The following LRRTM4 variants were observed in gnomAD, a reference collection of about 807,000 sequenced individuals.
The protein encoded by LRRTM4 is leucine rich repeat transmembrane neuronal 4.
In LRRTM4, 25 loss-of-function variants were observed where a neutral mutation model predicts 47.6. That is an observed-to-expected ratio of 0.53 (90% CI 0.38 to 0.73). The LOEUF is 0.73. Among genes scored for constraint, LRRTM4 ranks in the 30% least tolerant of loss-of-function variants. The pLI is 0.00. For missense variants in LRRTM4, 638 were observed against 713.4 expected, an observed-to-expected ratio of 0.89 and a Z score of 1.20; for synonymous variants, 311 against 269.5, an observed-to-expected ratio of 1.15 and a Z score of -1.51.
chr2:76,986,861 T>A (rs1028817234), intron 3 of LRRTM4, among the ~76,000 whole-genome samples: 13 of 151,912 alleles, frequency 8.6e-5, no homozygotes, highest in African/African-American at 3.1e-4. Flanking sequence ...TTCTATTGTA[T>A]GCAACTAAAA....
At chr2:77,250,021 C>T (rs1675559805) in intron 3 of LRRTM4, among the ~76,000 whole-genome samples, 1 of 151,994 alleles carries the variant, frequency 6.6e-6, no homozygotes, top group South Asian at 2.1e-4. Flanking sequence ...CATCAAAAGA[C>T]ATGAAGGAAA....
chr2:77,410,488 C>T (rs1214890371), intron 3 of LRRTM4, among the ~76,000 whole-genome samples: 2 of 152,126 alleles, frequency 1.3e-5, no homozygotes, highest in Admixed American at 1.3e-4. Flanking sequence ...GAAGCACCAG[C>T]TAACACCTGA....
intron 3 of LRRTM4, among the ~76,000 whole-genome samples, chr2:76,923,114 A>C (rs1045115677): frequency 1.3e-5 from 2 of 152,134 alleles, no homozygotes; most frequent in African/African-American, 4.8e-5. Context: ...ACTTTCAATG[A>C]ATTAAACTTC....
chr2:76,852,167 A>T (rs1388442678), intron 3 of LRRTM4, among the ~76,000 whole-genome samples: 6 of 152,196 alleles, frequency 3.9e-5, no homozygotes, highest in African/African-American at 1.2e-4. Flanking sequence ...ACAATAAGAA[A>T]GGAGGAGTTG....
intron 3 of LRRTM4, among the ~76,000 whole-genome samples, chr2:76,802,062 A>G (rs1675723991): frequency 6.6e-6 from 1 of 152,182 alleles, no homozygotes; most frequent in African/African-American, 2.4e-5. Context: ...AACCAGGAAC[A>G]AGACAAGGAT....
chr2:76,761,635 G>A (rs1398902550), intron 3 of LRRTM4, among the ~76,000 whole-genome samples: 1 of 152,134 alleles, frequency 6.6e-6, no homozygotes, highest in Admixed American at 6.5e-5. Context: ...TGAGATGGTA[G>A]TAATAGCCCA....
At position 77,518,323 on chromosome 2, in the gene LRRTM4, A is replaced by T; in HGVS notation, c.1546T>A (p.Cys516Ser). Residue 516 changes from cysteine to serine, a missense_variant, in exon 3 of 4, where the codon TGT becomes AGT. Physicochemically the swap from Cys to Ser is moderately radical, Grantham distance 112 (BLOSUM62 -1). Transcript: ENST00000409884. ...CTYTISGSRE[C>S]EMPHHMKPLP... ...AGGAGGATCATGGTTCATACCTCAC[A>T]TTCCCTGGAGCCAGAGATGGTATAT... 6.2e-7 allele frequency: 1 copy of T among 1,603,846 alleles called. No individual in the cohort carries two copies. Among genetic ancestry groups the T allele is most frequent in the Non-Finnish European group, 8.5e-7 (1 of 1,175,094 alleles).
chr2:77,299,965 C>T (rs1009250904), intron 3 of LRRTM4, among the ~76,000 whole-genome samples: 1 of 151,344 alleles, frequency 6.6e-6, no homozygotes, highest in African/African-American at 2.4e-5. Flanking sequence ...GATTCTCCTG[C>T]CTCAGCCTGC....
intron 3 of LRRTM4, among the ~76,000 whole-genome samples, chr2:77,129,963 A>C (rs951008969): frequency 1.3e-5 from 2 of 152,212 alleles, no homozygotes; most frequent in African/African-American, 4.8e-5. Flanking sequence ...GAATAAAAAC[A>C]AGCATTTTTT....
At chr2:77,408,183 C>T (rs865954702) in intron 3 of LRRTM4, among the ~76,000 whole-genome samples, 76 of 152,218 alleles carry the variant, frequency 5.0e-4, no homozygotes, top group African/African-American at 1.6e-3. Flanking sequence ...TAATCCTGCC[C>T]CCCAGGGGGA....
chr2:77,456,248 A>G (rs1676536037), intron 3 of LRRTM4, among the ~76,000 whole-genome samples: 1 of 152,122 alleles, frequency 6.6e-6, no homozygotes, highest in African/African-American at 2.4e-5. Flanking sequence ...GCTACCCTAA[A>G]AATTCTCTGA....
intron 3 of LRRTM4, among the ~76,000 whole-genome samples, chr2:77,031,770 C>A (rs1160464255): frequency 6.6e-6 from 1 of 151,998 alleles, no homozygotes; most frequent in East Asian, 1.9e-4. Flanking sequence ...AGAGCGCGCA[C>A]AATATGTGCA....
chr2:77,362,992 G>A (rs538986491), intron 3 of LRRTM4, among the ~76,000 whole-genome samples: 1 of 151,934 alleles, frequency 6.6e-6, no homozygotes. Context: ...CATCCATATG[G>A]GTAGTATTAC....
intron 3 of LRRTM4, among the ~76,000 whole-genome samples, chr2:76,923,503 C>G (rs1674497751): frequency 6.6e-6 from 1 of 151,918 alleles, no homozygotes; most frequent in Non-Finnish European, 1.5e-5. Context: ...TTTTTCATTT[C>G]TGTCATAGAA....
intron 3 of LRRTM4, among the ~76,000 whole-genome samples, chr2:77,119,505 T>C (rs990187779): frequency 6.6e-6 from 1 of 151,798 alleles, no homozygotes; most frequent in Non-Finnish European, 1.5e-5. Flanking sequence ...GGAAATTTTC[T>C]CTTAGGCATA....
chr2:77,393,125 C>T (rs906954179), intron 3 of LRRTM4, among the ~76,000 whole-genome samples: 3 of 151,928 alleles, frequency 2.0e-5, no homozygotes, highest in Non-Finnish European at 2.9e-5. Context: ...TTCATCTTAT[C>T]TTGCTATCCT....
At chr2:77,084,761 C>T (rs1184253591) in intron 3 of LRRTM4, among the ~76,000 whole-genome samples, 1 of 152,112 alleles carries the variant, frequency 6.6e-6, no homozygotes, top group African/African-American at 2.4e-5. Context: ...CATAAGAAAC[C>T]ATTTACAGAC....
intron 3 of LRRTM4, among the ~76,000 whole-genome samples, chr2:77,479,922 G>A (rs965189767): frequency 6.6e-6 from 1 of 151,920 alleles, no homozygotes; most frequent in African/African-American, 2.4e-5. Flanking sequence ...TAAATGTCTA[G>A]GTAAAAATAT....
intron 3 of LRRTM4, among the ~76,000 whole-genome samples, chr2:77,267,215 A>G (rs1045600229): frequency 6.6e-6 from 1 of 152,206 alleles, no homozygotes; most frequent in Admixed American, 6.5e-5. Flanking sequence ...CAGAAGGTCC[A>G]ACATATTACT....
Sources: allele counts gnomAD v4.1 joint callset (sites outside exome capture counted in the v4.1 genomes callset), GRCh38; gene constraint gnomAD v4.1.1; transcripts MANE v1.5; gene names NCBI Gene and HGNC (gene_info 2026-07-23, HGNC 2026-07-21).